Variants in XPO1 observed in about 807,000 individuals in gnomAD.
XPO1 encodes the protein exportin 1, also known as exportin-1.
In XPO1, 5 loss-of-function variants were observed where a neutral mutation model predicts 133.3. The observed-to-expected ratio is 0.04, with a 90% CI of 0.02 to 0.08. XPO1 has a LOEUF of 0.08. Among genes scored for constraint, XPO1 ranks in the 10% least tolerant of loss-of-function variants. The pLI is 1.00. For missense variants in XPO1, 506 were observed against 1,267.5 expected, an observed-to-expected ratio of 0.40 and a Z score of 9.12; for synonymous variants, 419 against 408.2, an observed-to-expected ratio of 1.03 and a Z score of -0.32.
At chr2:61,527,262 G>C (rs1234127019) in intron 2 of XPO1, among the ~76,000 whole-genome samples, 1 of 151,088 alleles carries the variant, frequency 6.6e-6, no homozygotes, top group Non-Finnish European at 1.5e-5. Flanking sequence ...TTGAGGCCAG[G>C]GGTTCAAGAC....
In XPO1 at chr2:61,528,336, T is replaced by C. The variant is rs187653168; in HGVS notation, c.127-1815A>G. Among the ~76,000 whole-genome samples the C allele has an allele frequency of 3.3e-3, 502 of 152,232 alleles. 2 individuals are homozygous for C. The highest frequency in any genetic ancestry group is 4.4e-3 in the Non-Finnish European group (300 of 68,002). ...GCTACCAAATTTTATGTTAATAGTATACTTAAAAATCTTTTAGGCTGGGCA... is the reference window on the plus strand; with the variant it reads ...GCTACCAAATTTTATGTTAATAGTACACTTAAAAATCTTTTAGGCTGGGCA... On this transcript the variant is annotated intron_variant, in intron 2 of 24. Transcript: ENST00000401558.
chr2:61,481,238 G>T lies in XPO1; in HGVS notation c.3016C>A (p.Gln1006Lys), dbSNP rs1194653286. ...TGTTCCTTGAAAGCAGGAATATCTT[G>T]ATTTAAGCTGAAAAGCCCTGTCACA... is the stretch of plus-strand genomic sequence containing the variant. ...LFVTGLFSLN[Q>K]DIPAFKEHLR... Residue 1006 changes from glutamine to lysine, a missense_variant, in exon 24 of 25, where the codon CAA (glutamine) becomes AAA (lysine). By Grantham distance (53) the Gln-to-Lys change is moderately conservative. Transcript: ENST00000401558. 1.9e-6 allele frequency: 3 copies of T among 1,612,006 alleles called. No individual in the cohort carries two copies. The South Asian group carries it at 3.3e-5, about 18-fold the overall frequency.
intron 4 of XPO1, among the ~76,000 whole-genome samples, chr2:61,520,249 A>G (rs115793979): frequency 0.026 from 3,917 of 152,316 alleles, 75 homozygotes; most frequent in Non-Finnish European, 0.039. Context: ...AATTTCCAAT[A>G]CCAAAGTTAC....
intron 4 of XPO1, 83 bp from the exon 5 acceptor site, chr2:61,502,393 G>C (rs955330705): frequency 1.6e-6 from 2 of 1,276,034 alleles, no homozygotes; most frequent in African/African-American, 1.5e-5. Flanking sequence ...AATTAATGTG[G>C]GAATGGAAAG....
intron 21 of XPO1, 67 bp from the exon 22 acceptor site, chr2:61,483,158 CTTA>C (rs1558628066): frequency 1.3e-6 from 2 of 1,512,364 alleles, no homozygotes; most frequent in Non-Finnish European, 1.8e-6. Flanking sequence ...GTATTTAGCT[CTTA>C]TCAAAGTATT....
At chr2:61,479,078 A>G in intron 24 of XPO1, 112 bp from the exon 25 acceptor site, 2 of 1,297,208 alleles carry the variant, frequency 1.5e-6, no homozygotes, top group South Asian at 1.5e-5. Flanking sequence ...AATTATCCAT[A>G]AAGTGGCTGG....
intron 4 of XPO1, among the ~76,000 whole-genome samples, chr2:61,518,238 G>GTGAA (rs1446541551): frequency 1.3e-5 from 2 of 151,750 alleles, no homozygotes; most frequent in African/African-American, 4.8e-5. Context: ...GAGCAACAGA[G>GTGAA]TGAAACCCTA....
chr2:61,538,409 G>C (rs1002650967), upstream of XPO1: 4 of 153,888 alleles, frequency 2.6e-5, no homozygotes, highest in Admixed American at 2.6e-4. Flanking sequence ...CTACAGCCGC[G>C]CCATGAGCCT....
intron 4 of XPO1, among the ~76,000 whole-genome samples, chr2:61,517,352 G>A (rs1439447015): frequency 1.3e-5 from 2 of 152,210 alleles, no homozygotes; most frequent in African/African-American, 2.4e-5. Context: ...GGGATGCTGA[G>A]GTTGGAGCAT....
chr2:61,485,473 A>AACCCCCCCCCC (rs1553402570), intron 20 of XPO1: 2 of 103,554 alleles, frequency 1.9e-5, no homozygotes, highest in Non-Finnish European at 2.0e-5. Context: ...GGCTCAAGTG[A>AACCCCCCCCCC]CCCCCCCCCC....
At chr2:61,533,727 T>C in intron 2 of XPO1, 45 bp downstream of exon 2, 2 of 1,453,366 alleles carry the variant, frequency 1.4e-6, no homozygotes, top group Non-Finnish European at 1.8e-6. Flanking sequence ...CCAACAACTC[T>C]GTTACACTGT....
chr2:61,508,748 C>T (rs758480349), intron 4 of XPO1, among the ~76,000 whole-genome samples: 10 of 152,182 alleles, frequency 6.6e-5, no homozygotes, highest in Non-Finnish European at 1.3e-4. Context: ...GTGTCATATT[C>T]CCATAGAAGC....
chr2:61,516,811 C>A (rs1698413443), intron 4 of XPO1, among the ~76,000 whole-genome samples: 2 of 152,244 alleles, frequency 1.3e-5, no homozygotes, highest in South Asian at 4.1e-4. Flanking sequence ...TACAGAAATA[C>A]CTTTATATAG....
chr2:61,525,740 T>C (rs1698882384), intron 3 of XPO1: 1 of 1,028,718 alleles, frequency 9.7e-7, no homozygotes, highest in Non-Finnish European at 1.2e-6. Context: ...TTTAAAACTG[T>C]TAATTAACAA....
intron 4 of XPO1, among the ~76,000 whole-genome samples, chr2:61,514,377 G>C (rs1698250908): frequency 6.6e-6 from 1 of 151,998 alleles, no homozygotes; most frequent in African/African-American, 2.4e-5. Context: ...CTGATTACCA[G>C]GTCAGGAGTT....
chr2:61,484,924 GAGTAGAGA>G, intron 20 of XPO1: 1 of 152,374 alleles, frequency 6.6e-6, no homozygotes, highest in Non-Finnish European at 1.5e-5. Flanking sequence ...CCTAATCTTT[GAGTAGAGA>G]TGGGGTTTCA....
At position 61,498,848 on chromosome 2, in the gene XPO1, A is replaced by G. The variant is rs2104493238; in HGVS notation, c.639+17T>C. On this transcript the variant is annotated intron_variant, in intron 8 of 24. Coordinates refer to ENST00000401558, the MANE Select transcript of XPO1 (RefSeq NM_003400.4). ...TTTCCTATTATTGTTTTTAAAAATG[A>G]AATTAAAAACACTTACCATTACAAA... The G allele has an allele frequency of 5.0e-6, 8 of 1,607,120 alleles. No homozygotes were observed. The highest frequency in any genetic ancestry group is 6.8e-6 in the Non-Finnish European group (8 of 1,176,890).
At chr2:61,509,503 G>A (rs1697985176) in intron 4 of XPO1, among the ~76,000 whole-genome samples, 1 of 152,090 alleles carries the variant, frequency 6.6e-6, no homozygotes, top group African/African-American at 2.4e-5. Flanking sequence ...CCGCATGACT[G>A]TAATCCCAAC....
intron 20 of XPO1, chr2:61,485,473 A>ACCCCCCCC (rs3041947): frequency 9.7e-6 from 1 of 103,552 alleles, no homozygotes; most frequent in Non-Finnish European, 2.0e-5. Flanking sequence ...GGCTCAAGTG[A>ACCCCCCCC]CCCCCCCCCC....
Sources: allele counts gnomAD v4.1 joint callset (sites outside exome capture counted in the v4.1 genomes callset), GRCh38; gene constraint gnomAD v4.1.1; transcripts MANE v1.5; gene names NCBI Gene and HGNC (gene_info 2026-07-23, HGNC 2026-07-21).